The following FBXL17 variants were observed in gnomAD, a reference collection of about 807,000 sequenced individuals.
The protein encoded by FBXL17 is F-box and leucine rich repeat protein 17.
Under a neutral mutation model 66.2 loss-of-function variants are expected in FBXL17, and 22 were observed. That is an observed-to-expected ratio of 0.33 (90% CI 0.24 to 0.47). FBXL17 has a LOEUF of 0.47. Among genes scored for constraint, FBXL17 ranks in the 20% least tolerant of loss-of-function variants. FBXL17 has a pLI of 1.00. For missense variants in FBXL17, 878 were observed against 948.2 expected (o/e 0.93, Z 0.97); for synonymous variants, 474 against 400.5 (o/e 1.18, Z -2.19).
intron 6 of FBXL17, among the ~76,000 whole-genome samples, chr5:108,054,329 G>C (rs1747601156): frequency 6.6e-6 from 1 of 152,116 alleles, no homozygotes; most frequent in Non-Finnish European, 1.5e-5. Flanking sequence ...GACAGTTATG[G>C]GTTTTTTTAG....
intron 6 of FBXL17, among the ~76,000 whole-genome samples, chr5:108,143,376 T>C (rs438622): frequency 0.022 from 2,906 of 129,492 alleles, 88 homozygotes; most frequent in African/African-American, 0.083. Flanking sequence ...CACACACACA[T>C]ATACAAATAA....
At chr5:108,173,368 T>A (rs1373119377) in intron 6 of FBXL17, among the ~76,000 whole-genome samples, 2 of 152,064 alleles carry the variant, frequency 1.3e-5, no homozygotes, top group East Asian at 3.9e-4. Context: ...CTGCACATTG[T>A]GCACATGTAC....
At chr5:108,293,045 G>A (rs1003148332) in intron 4 of FBXL17, among the ~76,000 whole-genome samples, 4 of 145,382 alleles carry the variant, frequency 2.8e-5, no homozygotes, top group Admixed American at 7.1e-5. Flanking sequence ...CTGAGATCAC[G>A]CCACTGCACT....
At chr5:108,017,984 T>A (rs1378473607) in intron 7 of FBXL17, among the ~76,000 whole-genome samples, 1 of 152,088 alleles carries the variant, frequency 6.6e-6, no homozygotes, top group Non-Finnish European at 1.5e-5. Context: ...CCTGTGAGAA[T>A]CTTGACAAAA....
At chr5:108,271,154 C>G (rs1447156058) in intron 4 of FBXL17, among the ~76,000 whole-genome samples, 1 of 151,540 alleles carries the variant, frequency 6.6e-6, no homozygotes, top group Non-Finnish European at 1.5e-5. Flanking sequence ...TATACCTAAT[C>G]AAATCACAGT....
chr5:107,901,697 C>T (rs886330810), intron 7 of FBXL17, among the ~76,000 whole-genome samples: 1 of 152,160 alleles, frequency 6.6e-6, no homozygotes, highest in African/African-American at 2.4e-5. Flanking sequence ...TCCTATTGCT[C>T]GCTTTTGATG....
At chr5:108,379,205 A>G (rs1279619434) in intron 1 of FBXL17, among the ~76,000 whole-genome samples, 4 of 152,192 alleles carry the variant, frequency 2.6e-5, no homozygotes, top group Non-Finnish European at 5.9e-5. Context: ...AATAATTTGT[A>G]AGTAGAAGGT....
chr5:108,225,561 T>G (rs1755065590), intron 4 of FBXL17, among the ~76,000 whole-genome samples: 1 of 151,666 alleles, frequency 6.6e-6, no homozygotes. Flanking sequence ...CCAAAAAGAG[T>G]GCCAGAAGTT....
chr5:108,113,986 C>A (rs1750141304), intron 6 of FBXL17, among the ~76,000 whole-genome samples: 1 of 152,088 alleles, frequency 6.6e-6, no homozygotes, highest in South Asian at 2.1e-4. Context: ...ACACATAGAA[C>A]AAATGTATAA....
intron 3 of FBXL17, among the ~76,000 whole-genome samples, chr5:108,355,091 G>A (rs983713764): frequency 6.6e-6 from 1 of 151,920 alleles, no homozygotes; most frequent in African/African-American, 2.4e-5. Context: ...GAATGCATCA[G>A]AGAAAGAATA....
At chr5:107,879,687 C>T in intron 8 of FBXL17, 1 of 985,394 alleles carries the variant, frequency 1.0e-6, no homozygotes, top group Non-Finnish European at 1.2e-6. Flanking sequence ...AGATGCATGC[C>T]CTTTGAATGG....
chr5:108,289,228 T>G (rs939230066), intron 4 of FBXL17, among the ~76,000 whole-genome samples: 1 of 152,144 alleles, frequency 6.6e-6, no homozygotes, highest in African/African-American at 2.4e-5. Context: ...TGCTTGATAA[T>G]GTGTTATTAT....
chr5:108,055,150 T>A (rs1747637541), intron 6 of FBXL17, among the ~76,000 whole-genome samples: 1 of 151,686 alleles, frequency 6.6e-6, no homozygotes, highest in South Asian at 2.1e-4. Context: ...GTTCCTCTTG[T>A]TTTTTAAATA....
chr5:108,055,698 T>C (rs1747681466), intron 6 of FBXL17, among the ~76,000 whole-genome samples: 2 of 150,068 alleles, frequency 1.3e-5, no homozygotes, highest in Non-Finnish European at 3.0e-5. Context: ...ATATGAACTA[T>C]AATGAAAAAA....
intron 4 of FBXL17, chr5:108,299,272 T>C (rs779742484): frequency 1.2e-4 from 115 of 984,988 alleles, no homozygotes; most frequent in Non-Finnish European, 1.3e-4. Context: ...GGCAGATCCC[T>C]CTCTTCTATT....
intron 7 of FBXL17, among the ~76,000 whole-genome samples, chr5:107,882,367 T>C (rs1388296747): frequency 6.6e-6 from 1 of 151,964 alleles, no homozygotes; most frequent in African/African-American, 2.4e-5. Flanking sequence ...TTTTTTTTTT[T>C]ACTAGAAAAC....
chr5:108,087,758 C>T (rs953132145), intron 6 of FBXL17, among the ~76,000 whole-genome samples: 1 of 151,952 alleles, frequency 6.6e-6, no homozygotes, highest in African/African-American at 2.4e-5. Flanking sequence ...AAACAAAATG[C>T]CCCATCTCTC....
rs115289391 is a variant in FBXL17, at chr5:107,975,124, A to G, written c.1822+45801T>C. ...CATTCTTAAAATATGTTATTTTATA[A>G]AATCAATTCTTAGATACTCAGAGTC... On this transcript the variant is annotated intron_variant, in intron 7 of 8. Transcript: ENST00000542267. 6.9e-3 allele frequency among the ~76,000 whole-genome samples: 1,056 copies of G among 152,304 alleles called. 10 individuals carry two copies. Among genetic ancestry groups the G allele is most frequent in the African/African-American group, 0.023 (972 of 41,568 alleles).
intron 6 of FBXL17, among the ~76,000 whole-genome samples, chr5:108,058,843 T>G (rs576314978): frequency 1.3e-5 from 2 of 152,310 alleles, no homozygotes; most frequent in East Asian, 3.9e-4. Context: ...TAAAGCAAGC[T>G]AGTAGAAGGG....
Sources: allele counts gnomAD v4.1 joint callset (sites outside exome capture counted in the v4.1 genomes callset), GRCh38; gene constraint gnomAD v4.1.1; transcripts MANE v1.5; gene names NCBI Gene and HGNC (gene_info 2026-07-23, HGNC 2026-07-21).